Variants in ATE1 observed in about 807,000 individuals in gnomAD.
ATE1 encodes the protein arginyl-tRNA--protein transferase 1.
ATE1 carries 36 observed loss-of-function variants against 70.5 expected under a neutral mutation model. That is an observed-to-expected ratio of 0.51 (90% CI 0.39 to 0.67). The LOEUF is 0.67. Ranked by LOEUF, ATE1 falls within the 30% of genes least tolerant of loss-of-function variation. ATE1 has a pLI of 0.00. For missense variants in ATE1, 593 were observed against 629.5 expected, an observed-to-expected ratio of 0.94 and a Z score of 0.62; for synonymous variants, 232 against 219.3, an observed-to-expected ratio of 1.06 and a Z score of -0.51.
intron 4 of ATE1, among the ~76,000 whole-genome samples, chr10:121,911,729 A>G (rs1951440257): frequency 1.3e-5 from 2 of 151,890 alleles, no homozygotes; most frequent in Non-Finnish European, 1.5e-5. Flanking sequence ...ACCCACACTG[A>G]ACTGTTATGT....
At chr10:121,768,550 T>C (rs551412462) in intron 11 of ATE1, among the ~76,000 whole-genome samples, 3 of 152,074 alleles carry the variant, frequency 2.0e-5, no homozygotes, top group Non-Finnish European at 4.4e-5. Context: ...GATGCTGAAA[T>C]GGCCTGCTGT....
chr10:121,812,677 G>C (rs12718345), intron 10 of ATE1, among the ~76,000 whole-genome samples: 85,459 of 152,012 alleles, frequency 0.56, 24,403 homozygotes, highest in African/African-American at 0.64. Context: ...GACATTTTCT[G>C]ATTTTTTATA....
At chr10:121,874,646 ATTGT>A (rs1223715886) in intron 7 of ATE1, among the ~76,000 whole-genome samples, 1 of 152,182 alleles carries the variant, frequency 6.6e-6, no homozygotes, top group Admixed American at 6.5e-5. Flanking sequence ...AGCAGAAAGG[ATTGT>A]TTGTGCTACC....
chr10:121,893,153 T>G (rs1950639593), intron 7 of ATE1, among the ~76,000 whole-genome samples: 1 of 151,752 alleles, frequency 6.6e-6, no homozygotes, highest in Admixed American at 6.6e-5. Flanking sequence ...GGCACACACA[T>G]GTAGTCCCAG....
chr10:121,927,861 G>C lies in ATE1; in HGVS notation c.89C>G (p.Ser30Trp), dbSNP rs369034026. The C allele has an allele frequency of 6.3e-7, 1 of 1,579,814 alleles. No homozygotes were observed. Among genetic ancestry groups the C allele is most frequent in the African/African-American group, 1.4e-5 (1 of 72,126 alleles). Residue 30 changes from serine to tryptophan, a missense_variant, in exon 1 of 12, where the codon TCG becomes TGG. Coordinates refer to ENST00000224652, the MANE Select transcript of ATE1 (RefSeq NM_001001976.3). ...TCGCTCACCATTGGAGCGGCTGCCCGACTCGTTCTTGCAGTAGCCGCAGCG... is the reference window on the plus strand; with the variant it reads ...TCGCTCACCATTGGAGCGGCTGCCCCACTCGTTCTTGCAGTAGCCGCAGCG... ...FYRCGYCKNE[S>W]GSRSNGMWAH...
At chr10:121,921,501 T>G (rs1951879749) in intron 3 of ATE1, among the ~76,000 whole-genome samples, 1 of 151,396 alleles carries the variant, frequency 6.6e-6, no homozygotes, top group South Asian at 2.1e-4. Flanking sequence ...TAAATTTTCC[T>G]TTGTTTTACG....
chr10:121,746,431 C>T (rs117611475), intron 11 of ATE1, among the ~76,000 whole-genome samples: 4,890 of 152,268 alleles, frequency 0.032, 95 homozygotes, highest in Middle Eastern at 0.085. Context: ...TTATATTCTA[C>T]AAGACTTTTG....
intron 7 of ATE1, among the ~76,000 whole-genome samples, chr10:121,892,652 C>A (rs1235123530): frequency 4.6e-5 from 7 of 151,872 alleles, no homozygotes; most frequent in African/African-American, 1.7e-4. Flanking sequence ...ATTACAGGTG[C>A]CCTCCACCAT....
chr10:121,851,069 C>T (rs1013541526), intron 8 of ATE1, among the ~76,000 whole-genome samples: 1 of 116,168 alleles, frequency 8.6e-6, no homozygotes, highest in Admixed American at 1.1e-4. Context: ...CCAGCCTGGG[C>T]CACAAAGCGA....
chr10:121,797,282 C>G (rs558380181), intron 10 of ATE1, among the ~76,000 whole-genome samples: 1 of 152,188 alleles, frequency 6.6e-6, no homozygotes, highest in Admixed American at 6.5e-5. Context: ...AGAGGAGGAG[C>G]AAAAAATGTT....
intron 11 of ATE1, among the ~76,000 whole-genome samples, chr10:121,762,837 T>C (rs988350317): frequency 1.3e-5 from 2 of 152,256 alleles, no homozygotes; most frequent in Non-Finnish European, 2.9e-5. Context: ...TAGAAGCGTT[T>C]CAGTTTTTAG....
Position 121,911,039 on chromosome 10 carries a change from A to G in ATE1, c.450T>C (p.Ser150=), listed in dbSNP as rs775236998. The G allele has an allele frequency of 6.2e-7, 1 of 1,613,406 alleles. No individual in the cohort carries two copies. The highest frequency in any genetic ancestry group is 1.1e-5 in the South Asian group (1 of 90,978). The change falls in exon 5 of 12, where the codon AGT becomes AGC. Residue 150 remains serine, a synonymous_variant. Transcript: ENST00000224652. ...LKTLSDDIKE[S]LESEGKNSKK... ...TTGAATTTTTTCCTTCACTCTCTAA[A>G]CTCTCTTTGATGTCATCACTGAGTG...
intron 3 of ATE1, among the ~76,000 whole-genome samples, chr10:121,921,830 C>A (rs533725694): frequency 6.6e-6 from 1 of 152,264 alleles, no homozygotes; most frequent in East Asian, 1.9e-4. Context: ...GTCTTTTAGA[C>A]GTTGAGTCAG....
intron 10 of ATE1, among the ~76,000 whole-genome samples, chr10:121,803,502 G>A (rs1946976446): frequency 6.6e-6 from 1 of 152,144 alleles, no homozygotes; most frequent in Non-Finnish European, 1.5e-5. Context: ...CCTAAATTGT[G>A]TCAGCAATGT....
chr10:121,750,183 C>T (rs1358845050), intron 11 of ATE1, among the ~76,000 whole-genome samples: 1 of 152,170 alleles, frequency 6.6e-6, no homozygotes, highest in African/African-American at 2.4e-5. Context: ...TAAATGTCAT[C>T]AGTGTAGACA....
In ATE1 at chr10:121,740,581, C is replaced by A. The variant is rs1350671301; in HGVS notation, c.*3099G>T. 6.6e-6 allele frequency: 1 copy of A among 152,146 alleles called. No individual in the cohort carries two copies. Among genetic ancestry groups the A allele is most frequent in the Non-Finnish European group, 1.5e-5 (1 of 68,010 alleles). The allele number at this position is 152,146 out of a possible 1,614,324, so 9.4% of individuals were successfully genotyped here. On this transcript the variant is annotated 3_prime_UTR_variant, in exon 12 of 12. Coordinates refer to ENST00000224652, the MANE Select transcript of ATE1 (RefSeq NM_001001976.3). ...AAAAGAGTGTGCACTTGAATAACTT[C>A]TAATTCAAACATTTTCCAACTGTTT... is the stretch of plus-strand genomic sequence containing the variant.
chr10:121,853,208 C>CA (rs1316634021), intron 8 of ATE1, among the ~76,000 whole-genome samples: 1 of 151,518 alleles, frequency 6.6e-6, no homozygotes, highest in Non-Finnish European at 1.5e-5. Flanking sequence ...ACTAAAAATA[C>CA]AAAAAATTAG....
rs896148529 is a variant in ATE1, at chr10:121,922,393, G to A, written c.189C>T (p.Tyr63=). The part of the protein sequence containing the change: ...RGWRRSGKYV[Y]KPVMNQTCCP... ...AACATGTTTGATTCATGACAGGTTT[G>A]TACACATATTTTCCACTTCTAAAAT... The change falls in exon 3 of 12, where the codon TAC becomes TAT. Residue 63 remains tyrosine (Y), a synonymous_variant. Transcript: ENST00000224652. 9 of 1,599,856 alleles carry A rather than the reference G, an allele frequency of 5.6e-6. No individual in the cohort carries two copies. Among genetic ancestry groups the A allele is most frequent in the South Asian group, 1.1e-5 (1 of 90,066 alleles).
chr10:121,832,076 C>T (rs934752860), intron 10 of ATE1, among the ~76,000 whole-genome samples: 3 of 152,140 alleles, frequency 2.0e-5, no homozygotes, highest in African/African-American at 7.2e-5. Context: ...CTGACTAGTC[C>T]TCCTGAAATT....
Sources: gnomAD v4.1 joint callset for allele counts (sites outside exome capture counted in the v4.1 genomes callset) on GRCh38, gnomAD v4.1.1 for gene constraint, MANE v1.5 for transcripts, NCBI Gene and HGNC (gene_info 2026-07-23, HGNC 2026-07-21) for gene names.